The following BCAS3 variants were observed in gnomAD, a reference collection of about 807,000 sequenced individuals.
The protein encoded by BCAS3 is BCAS4/BCAS3 fusion.
BCAS3 carries 53 observed loss-of-function variants against 116.1 expected under a neutral mutation model. The observed-to-expected ratio is 0.46, with a 90% CI of 0.37 to 0.57. BCAS3 has a LOEUF of 0.57. Among genes scored for constraint, BCAS3 ranks in the 20% least tolerant of loss-of-function variants. The pLI, the probability that BCAS3 is intolerant of heterozygous loss-of-function variation, is 0.00. For missense variants in BCAS3, 917 were observed against 1,165.4 expected, an observed-to-expected ratio of 0.79 and a Z score of 3.10; for synonymous variants, 391 against 408.2, an observed-to-expected ratio of 0.96 and a Z score of 0.51.
chr17:61,030,860 G>A (rs563431847), intron 16 of BCAS3, among the ~76,000 whole-genome samples: 44 of 151,584 alleles, frequency 2.9e-4, no homozygotes, highest in African/African-American at 1.0e-3. Flanking sequence ...TGAACATGGG[G>A]TTATGTGTGA....
Position 61,215,750 on chromosome 17 carries a change from A to G in BCAS3, c.2425+131186A>G, listed in dbSNP as rs1249787690. On this transcript the variant is annotated intron_variant, in intron 22 of 23. Transcript: ENST00000407086. The surrounding 1 kb of genome is among the most constrained non-coding windows in gnomAD (Gnocchi z 4.8). Reference sequence around the variant, plus strand: ...CCAGGCTCCATTAAATGTGAACACTAACGTCTCTTAGTGCAGTAGTTCTCA... The same window carrying G: ...CCAGGCTCCATTAAATGTGAACACTGACGTCTCTTAGTGCAGTAGTTCTCA... Among the ~76,000 whole-genome samples, 1 of 152,170 alleles carries G rather than the reference A, an allele frequency of 6.6e-6. No homozygotes were observed. Among genetic ancestry groups the G allele is most frequent in the Non-Finnish European group, 1.5e-5 (1 of 68,018 alleles).
At position 61,326,959 on chromosome 17, in the gene BCAS3, G is replaced by A. The variant is rs2055778889; in HGVS notation, c.2426-41368G>A. On this transcript the variant is annotated intron_variant, in intron 22 of 23. Transcript: ENST00000407086. This position sits in a 1 kb window ranked among gnomAD's most constrained non-coding sequence, Gnocchi z 5.3. The stretch of plus-strand genomic sequence containing the variant: ...AAGAAAAAAGAAATAACAAATAGTA[G>A]AAGGAAAAATATTTTTAAAGGAAAT... 6.6e-6 allele frequency among the ~76,000 whole-genome samples: 1 copy of A among 152,112 alleles called. No individual in the cohort carries two copies. Among genetic ancestry groups the A allele is most frequent in the East Asian group, 1.9e-4 (1 of 5,194 alleles).
At chr17:61,277,179 G>A (rs564498383) in intron 22 of BCAS3, among the ~76,000 whole-genome samples, 25 of 148,446 alleles carry the variant, frequency 1.7e-4, no homozygotes, top group Middle Eastern at 3.6e-3. Context: ...CAGGAGGATC[G>A]CTTTTTCTAG....
chr17:61,262,060 G>A (rs2049252773), intron 22 of BCAS3, among the ~76,000 whole-genome samples: 1 of 152,162 alleles, frequency 6.6e-6, no homozygotes, highest in Non-Finnish European at 1.5e-5. Context: ...AGAATTGGAA[G>A]AAAATAGGAC....
rs959652892 is a variant in BCAS3 at position 60,902,685 on chromosome 17, A to G, written c.804A>G (p.Thr268=). ...ACAACATTCAGTCTTATACTGCCAC[A>G]GTCATTAGTGCTGCTAAAGTGAGTA... ...CGDNIQSYTA[T]VISAAKTLKS... The change falls in exon 11 of 24, where the codon ACA becomes ACG. Residue 268 remains threonine (T), a synonymous_variant. Transcript: ENST00000407086. 1.2e-6 allele frequency: 2 copies of G among 1,611,086 alleles called. No individual in the cohort carries two copies. The highest frequency in any genetic ancestry group is 1.7e-6 in the Non-Finnish European group (2 of 1,177,216).
Position 61,065,376 on chromosome 17 carries a change from C to G in BCAS3, c.2030-9544C>G, listed in dbSNP as rs2070499312. ...ATCCTGAGTGCTTTCTGATCAGAAA[C>G]AGAGTTTGGTAAATAGCCCTTGCTT... On this transcript the variant is annotated intron_variant, in intron 19 of 23. Transcript: ENST00000407086. This position sits in a 1 kb window ranked among gnomAD's most constrained non-coding sequence, Gnocchi z 4.8. 6.6e-6 allele frequency among the ~76,000 whole-genome samples: 1 copy of G among 152,164 alleles called. No individual in the cohort carries two copies. Among genetic ancestry groups the G allele is most frequent in the Non-Finnish European group, 1.5e-5 (1 of 68,016 alleles).
At chr17:60,992,191 CACA>C (rs2063568818) in intron 15 of BCAS3, among the ~76,000 whole-genome samples, 1 of 104,378 alleles carries the variant, frequency 9.6e-6, no homozygotes, top group African/African-American at 3.6e-5. Flanking sequence ...CGATGACTTA[CACA>C]CACACACACA....
chr17:60,910,197 T>C (rs758733278), intron 11 of BCAS3, among the ~76,000 whole-genome samples: 89 of 152,348 alleles, frequency 5.8e-4, no homozygotes, highest in Non-Finnish European at 8.7e-4. Context: ...TTAAGATGTA[T>C]ACATTAAGAG....
chr17:60,873,710 A>C (rs559062555), intron 8 of BCAS3, among the ~76,000 whole-genome samples: 1 of 152,196 alleles, frequency 6.6e-6, no homozygotes, highest in Non-Finnish European at 1.5e-5. Context: ...GTCAATCAGA[A>C]ATGACTTATA....
chr17:60,881,720 T>C (rs573001168), intron 9 of BCAS3, among the ~76,000 whole-genome samples: 30 of 151,810 alleles, frequency 2.0e-4, no homozygotes, highest in African/African-American at 7.3e-4. Context: ...GATAGTTTAC[T>C]GAGAATGATG....
rs768670626 is a variant in BCAS3, at chr17:60,709,271, G to A, written c.267G>A (p.Pro89=). Residue 89 remains proline, a synonymous_variant, in exon 5 of 24, where the codon CCG becomes CCA. Transcript: ENST00000407086. ...FHEIHSTGNE[P]PLLIMIGYSD... ...AAATACATAGTACTGGGAATGAACC[G>A]CCTTTGTTGATTATGATTGGCTACA... The A allele has an allele frequency of 6.2e-7, 1 of 1,602,112 alleles. No individual in the cohort carries two copies. Among genetic ancestry groups the A allele is most frequent in the Non-Finnish European group, 8.6e-7 (1 of 1,169,136 alleles).
chr17:61,036,523 G>C (rs557896326), intron 17 of BCAS3: 2 of 152,196 alleles, frequency 1.3e-5, no homozygotes, highest in African/African-American at 4.8e-5. Flanking sequence ...TGAGAAGCTC[G>C]ATTTCAAATG....
Position 61,347,369 on chromosome 17 carries a change from A to C in BCAS3, c.2426-20958A>C, listed in dbSNP as rs2057564752. 6.6e-6 allele frequency among the ~76,000 whole-genome samples: 1 copy of C among 152,206 alleles called. No homozygotes were observed. The highest frequency in any genetic ancestry group is 1.5e-5 in the Non-Finnish European group (1 of 68,036). On this transcript the variant is annotated intron_variant, in intron 22 of 23. Transcript: ENST00000407086. This position sits in a 1 kb window ranked among gnomAD's most constrained non-coding sequence, Gnocchi z 4.3. ...AGTGCTGGGATTATAGGCATGAGCC[A>C]CCGCACCCGGCCAGAATCACTCTTC... is the stretch of plus-strand genomic sequence containing the variant.
chr17:61,101,371 C>T (rs1182929637), intron 22 of BCAS3, among the ~76,000 whole-genome samples: 2 of 152,060 alleles, frequency 1.3e-5, no homozygotes, highest in Non-Finnish European at 2.9e-5. Flanking sequence ...ATTACCTTTC[C>T]GTCTACTTAT....
chr17:60,693,590 C>T (rs925541416), intron 4 of BCAS3, among the ~76,000 whole-genome samples: 4 of 151,072 alleles, frequency 2.6e-5, no homozygotes, highest in African/African-American at 7.3e-5. Flanking sequence ...AATTTTTTGA[C>T]TTTTTGTAGT....
intron 12 of BCAS3, among the ~76,000 whole-genome samples, chr17:60,923,368 A>G (rs1407026141): frequency 6.6e-6 from 1 of 152,176 alleles, no homozygotes; most frequent in Non-Finnish European, 1.5e-5. Flanking sequence ...CACAAATACT[A>G]TCTCAGTGCT....
Position 61,243,562 on chromosome 17 carries a change from A to G in BCAS3, c.2426-124765A>G, listed in dbSNP as rs1435138988. Among the ~76,000 whole-genome samples, 1 of 152,136 alleles carries G rather than the reference A, an allele frequency of 6.6e-6. No homozygotes were observed. Among genetic ancestry groups the G allele is most frequent in the Non-Finnish European group, 1.5e-5 (1 of 68,024 alleles). On this transcript the variant is annotated intron_variant, in intron 22 of 23. Transcript: ENST00000407086. This position sits in a 1 kb window ranked among gnomAD's most constrained non-coding sequence, Gnocchi z 5.6. ...TTTTAATTTTTTGAGGAATGTCATAAGTGTGTCTCAAGAAAATATAAAGAC... is the reference window on the plus strand; with the variant it reads ...TTTTAATTTTTTGAGGAATGTCATAGGTGTGTCTCAAGAAAATATAAAGAC...
At chr17:61,005,286 T>C (rs909918947) in intron 15 of BCAS3, among the ~76,000 whole-genome samples, 1 of 152,116 alleles carries the variant, frequency 6.6e-6, no homozygotes, top group South Asian at 2.1e-4. Context: ...GATTTTTTTC[T>C]TTTTCTTTTT....
chr17:61,245,908 T>G lies in BCAS3; in HGVS notation c.2426-122419T>G, dbSNP rs77402967. Among the ~76,000 whole-genome samples the G allele has an allele frequency of 8.7e-3, 1,322 of 152,184 alleles. 21 individuals are homozygous for G. The highest frequency in any genetic ancestry group is 0.03 in the African/African-American group (1,240 of 41,506). On this transcript the variant is annotated intron_variant, in intron 22 of 23. Coordinates refer to ENST00000407086, the MANE Select transcript of BCAS3 (RefSeq NM_017679.5). ...TGGGCAGCTCTTCAGAATCCAGGGG[T>G]CCATTATTGGTGCACTCAGCGTGAG... is the stretch of plus-strand genomic sequence containing the variant.
Sources: gnomAD v4.1 joint callset for allele counts (sites outside exome capture counted in the v4.1 genomes callset) on GRCh38, gnomAD v4.1.1 for gene constraint, Gnocchi (gnomAD v3.1) non-coding constraint, MANE v1.5 for transcripts, NCBI Gene and HGNC (gene_info 2026-07-23, HGNC 2026-07-21) for gene names.